The following PTPRM variants were observed in gnomAD, a reference collection of about 807,000 sequenced individuals.
PTPRM encodes receptor-type tyrosine-protein phosphatase mu.
Under a neutral mutation model 186.7 loss-of-function variants are expected in PTPRM, and 47 were observed. The ratio of observed to expected loss-of-function variants is 0.25; its 90% CI spans 0.20 to 0.32. The LOEUF (loss-of-function observed/expected upper bound fraction) is 0.32, where lower values mean the gene tolerates loss of function less well. Among genes scored for constraint, PTPRM ranks in the 10% least tolerant of loss-of-function variants. PTPRM has a pLI of 1.00. For synonymous variants in PTPRM, 668 were observed against 674.9 expected, an observed-to-expected ratio of 0.99 and a Z score of 0.16; for missense variants, 1,494 against 1,865.0, an observed-to-expected ratio of 0.80 and a Z score of 3.66.
chr18:7,830,261 G>A (rs2045691294), intron 2 of PTPRM, among the ~76,000 whole-genome samples: 1 of 152,096 alleles, frequency 6.6e-6, no homozygotes, highest in South Asian at 2.1e-4. Context: ...CCTCAGGGCT[G>A]GCCAATCAGA....
chr18:8,349,137 G>A (rs1198358086), intron 23 of PTPRM, among the ~76,000 whole-genome samples: 1 of 152,092 alleles, frequency 6.6e-6, no homozygotes, highest in African/African-American at 2.4e-5. Flanking sequence ...AAGATTCCAG[G>A]TGCCCCTCTC....
chr18:7,933,342 A>C (rs1167264512), intron 5 of PTPRM, among the ~76,000 whole-genome samples: 1 of 152,242 alleles, frequency 6.6e-6, no homozygotes, highest in African/African-American at 2.4e-5. Context: ...AGAATCTTCT[A>C]TACTTCAAAT....
intron 23 of PTPRM, chr18:8,366,942 C>G (rs1321956097): frequency 1.3e-5 from 2 of 152,248 alleles, no homozygotes; most frequent in African/African-American, 4.8e-5. Context: ...GCCAGGCGCA[C>G]GATCAGAGCA....
At chr18:7,572,865 T>G (rs2036596586) in intron 1 of PTPRM, among the ~76,000 whole-genome samples, 1 of 152,218 alleles carries the variant, frequency 6.6e-6, no homozygotes, top group Non-Finnish European at 1.5e-5. Flanking sequence ...TCTAAAAAGG[T>G]ACAAAATAAT....
Position 8,253,412 on chromosome 18 carries a change from G to A in PTPRM, c.2752G>A (p.Glu918Lys), listed in dbSNP as rs113710989. 8.7e-6 allele frequency: 13 copies of A among 1,494,962 alleles called. No individual in the cohort carries two copies. The African/African-American group carries it at 1.0e-4, about 11-fold the overall frequency. 92.6% of individuals were successfully genotyped at this position (1,494,962 alleles called of 1,614,324 possible). ...AEGYGFKEEY[E>K]SFFEGQSAPW... ...GGGCTACGGCTTCAAGGAGGAATAC[G>A]AGGTGAGCACAAGCTCTGTGCCAGG... The change falls in exon 19 of 33, where the codon GAG (glutamate) becomes AAG (lysine). Residue 918 changes from glutamate (E) to lysine (K), a missense_variant and splice_region_variant. By Grantham distance (56) the Glu-to-Lys change is moderately conservative (BLOSUM62 1). Around this residue, in one of 3 missense-constraint regions of PTPRM, gnomAD observed 1,107 missense variants for 1,350.2 expected, o/e 0.82. Transcript: ENST00000580170.
intron 1 of PTPRM, among the ~76,000 whole-genome samples, chr18:7,632,960 A>G (rs2038226595): frequency 6.6e-6 from 1 of 152,178 alleles, no homozygotes; most frequent in South Asian, 2.1e-4. Flanking sequence ...AATGCAGGAG[A>G]TAATAGAGAA....
At chr18:7,702,357 T>C (rs569877668) in intron 1 of PTPRM, among the ~76,000 whole-genome samples, 2 of 152,204 alleles carry the variant, frequency 1.3e-5, no homozygotes, top group African/African-American at 4.8e-5. Flanking sequence ...CATCTGTTGC[T>C]TCTTGACTTT....
chr18:8,314,572 G>A (rs1003513673), intron 20 of PTPRM, among the ~76,000 whole-genome samples: 8 of 152,186 alleles, frequency 5.3e-5, no homozygotes, highest in African/African-American at 1.9e-4. Context: ...ATAAGTTAAT[G>A]AGATTTACTG....
At chr18:8,304,346 TCCAATGCATG>T (rs2095195521) in intron 20 of PTPRM, among the ~76,000 whole-genome samples, 2 of 152,164 alleles carry the variant, frequency 1.3e-5, no homozygotes, top group Admixed American at 1.3e-4. Flanking sequence ...ATCACCCCAG[TCCAATGCATG>T]CCTATGTACA....
At chr18:8,291,353 A>G (rs1270119972) in intron 19 of PTPRM, among the ~76,000 whole-genome samples, 1 of 152,204 alleles carries the variant, frequency 6.6e-6, no homozygotes, top group Non-Finnish European at 1.5e-5. Context: ...CAGAGACCAG[A>G]AGCCAGTCGT....
chr18:7,708,932 G>A (rs8085995), intron 1 of PTPRM, among the ~76,000 whole-genome samples: 6,576 of 152,132 alleles, frequency 0.043, 451 homozygotes, highest in African/African-American at 0.14. Flanking sequence ...ATGTGTTCAG[G>A]TTTGCTCACT....
chr18:8,116,836 T>C (rs182766940), intron 13 of PTPRM, among the ~76,000 whole-genome samples: 18 of 152,300 alleles, frequency 1.2e-4, no homozygotes, highest in African/African-American at 4.3e-4. Flanking sequence ...ATGACCTGAT[T>C]GACTAAATAT....
intron 20 of PTPRM, among the ~76,000 whole-genome samples, chr18:8,309,886 A>G (rs540815001): frequency 2.0e-5 from 3 of 152,170 alleles, no homozygotes; most frequent in Admixed American, 1.3e-4. Context: ...ATAACCATAT[A>G]TAAGAGCACC....
At chr18:8,379,471 A>T in intron 28 of PTPRM, 131 bp downstream of exon 28, 1 of 985,430 alleles carries the variant, frequency 1.0e-6, no homozygotes, top group Non-Finnish European at 1.4e-6. Flanking sequence ...TTTCCAACAA[A>T]AAATAGATTT....
chr18:8,253,721 G>T (rs1317370964), intron 19 of PTPRM, among the ~76,000 whole-genome samples: 2 of 152,118 alleles, frequency 1.3e-5, no homozygotes, highest in Non-Finnish European at 2.9e-5. Flanking sequence ...GAATCTGCGG[G>T]TGCAGAATGC....
chr18:8,248,318 TG>T, intron 17 of PTPRM, 142 bp downstream of exon 17: 1 of 844,874 alleles, frequency 1.2e-6, no homozygotes, highest in South Asian at 1.3e-5. Context: ...GCCTGGGTCA[TG>T]GGGTTAAAGG....
Position 7,888,086 on chromosome 18 carries a change from C to T in PTPRM, c.197-20C>T. Reference sequence around the variant, plus strand: ...AAGTAGTGTTTCAGGGTATGACTCTCCTTGATTTTGTTTTTGCAGGTTCTT... The same window carrying T: ...AAGTAGTGTTTCAGGGTATGACTCTTCTTGATTTTGTTTTTGCAGGTTCTT... On this transcript the variant is annotated intron_variant, in intron 2 of 32. Coordinates refer to ENST00000580170, the MANE Select transcript of PTPRM (RefSeq NM_001105244.2). 6.2e-7 allele frequency: 1 copy of T among 1,614,042 alleles called. No homozygotes were observed. The highest frequency in any genetic ancestry group is 8.5e-7 in the Non-Finnish European group (1 of 1,179,946).
intron 1 of PTPRM, among the ~76,000 whole-genome samples, chr18:7,766,435 G>A (rs1178366229): frequency 6.6e-6 from 1 of 152,230 alleles, no homozygotes; most frequent in African/African-American, 2.4e-5. Context: ...CTCCAGGGAG[G>A]AGACTCTTTC....
At position 7,910,513 on chromosome 18, in the gene PTPRM, A is replaced by G. The variant is rs538415931; in HGVS notation, c.547+3930A>G. Reference sequence around the variant, plus strand: ...ACCCTCTAGAGGTTTCCCATTGGTTACTTGGTGTACACCCTGTGTAAGTGA... The same window carrying G: ...ACCCTCTAGAGGTTTCCCATTGGTTGCTTGGTGTACACCCTGTGTAAGTGA... On this transcript the variant is annotated intron_variant, in intron 4 of 32. Coordinates refer to ENST00000580170, the MANE Select transcript of PTPRM (RefSeq NM_001105244.2). Among the ~76,000 whole-genome samples the G allele has an allele frequency of 7.9e-5, 12 of 152,278 alleles. No individual in the cohort carries two copies. The South Asian group carries it at 2.3e-3, about 29-fold the overall frequency.
Sources: gnomAD v4.1 joint callset for allele counts (sites outside exome capture counted in the v4.1 genomes callset) on GRCh38, gnomAD v4.1.1 for gene constraint, gnomAD v4.1.1 regional missense constraint, MANE v1.5 for transcripts, NCBI Gene and HGNC (gene_info 2026-07-23, HGNC 2026-07-21) for gene names.